The following ARIH1 variants were observed in gnomAD, a reference collection of about 807,000 sequenced individuals.
The protein encoded by ARIH1 is E3 ubiquitin-protein ligase ARIH1.
A neutral mutation model predicts 85.0 loss-of-function variants in ARIH1; 8 were observed. The observed-to-expected ratio is 0.09, with a 90% CI of 0.06 to 0.17. The LOEUF is 0.17. Among genes scored for constraint, ARIH1 ranks in the 10% least tolerant of loss-of-function variants. ARIH1 has a pLI of 1.00. For synonymous variants in ARIH1, 238 were observed against 253.6 expected (o/e 0.94, Z 0.59); for missense variants, 311 against 718.1 (o/e 0.43, Z 6.48).
At chr15:72,490,585 T>C (rs935853544) in intron 1 of ARIH1, among the ~76,000 whole-genome samples, 4 of 152,168 alleles carry the variant, frequency 2.6e-5, no homozygotes, top group African/African-American at 9.7e-5. Context: ...TTGTCTTCCA[T>C]GAAACCAGTC....
At chr15:72,504,644 T>C (rs1272537724) in intron 1 of ARIH1, among the ~76,000 whole-genome samples, 2 of 152,060 alleles carry the variant, frequency 1.3e-5, no homozygotes, top group African/African-American at 4.8e-5. Context: ...CATCAGTAGT[T>C]TTGGAAAAAG....
intron 1 of ARIH1, among the ~76,000 whole-genome samples, chr15:72,512,255 G>C (rs1261269610): frequency 6.6e-6 from 1 of 151,710 alleles, no homozygotes; most frequent in African/African-American, 2.4e-5. Flanking sequence ...ATTTTCCAGT[G>C]ACACCATTTT....
At chr15:72,567,242 CA>C in intron 9 of ARIH1, 65 bp downstream of exon 9, 2 of 1,319,606 alleles carry the variant, frequency 1.5e-6, no homozygotes, top group South Asian at 2.5e-5. Context: ...TTGGCATTAG[CA>C]AAAGCAATGA....
chr15:72,521,389 C>A (rs1045579893), intron 2 of ARIH1, among the ~76,000 whole-genome samples: 15 of 151,890 alleles, frequency 9.9e-5, no homozygotes, highest in Admixed American at 9.2e-4. Flanking sequence ...GTTTTGAAAA[C>A]ATAAACTGTT....
At chr15:72,501,631 A>G (rs895567518) in intron 1 of ARIH1, among the ~76,000 whole-genome samples, 5 of 152,214 alleles carry the variant, frequency 3.3e-5, no homozygotes, top group Non-Finnish European at 7.3e-5. Flanking sequence ...CATTTTTAGT[A>G]TATGCCACAG....
In ARIH1 at chr15:72,582,069, T is replaced by C; in HGVS notation, c.1477-6T>C. 1.9e-6 allele frequency: 3 copies of C among 1,587,122 alleles called. No homozygotes were observed. In the South Asian group the frequency reaches 3.4e-5, roughly 18 times the overall value. On this transcript the variant is annotated splice_region_variant and splice_polypyrimidine_tract_variant and intron_variant, in intron 12 of 13. Coordinates refer to ENST00000379887, the MANE Select transcript of ARIH1 (RefSeq NM_005744.5). The surrounding 1 kb of genome is among the most constrained non-coding windows in gnomAD (Gnocchi z 4.6). ...AAGCCAAAATTTACTTTCATTCTTC[T>C]TACAGAATAACCAAGCAGATCTAGA...
At chr15:72,577,307 A>C (rs1302216725) in intron 11 of ARIH1, among the ~76,000 whole-genome samples, 1 of 152,162 alleles carries the variant, frequency 6.6e-6, no homozygotes, top group Non-Finnish European at 1.5e-5. Context: ...GTTCTTAACA[A>C]TGAAGTATGC....
At position 72,474,623 on chromosome 15, in the gene ARIH1, C is replaced by T. The variant is rs1159421645; in HGVS notation, c.-17C>T. On this transcript the variant is annotated 5_prime_UTR_variant, in exon 1 of 14. Transcript: ENST00000379887. ...CCCGCCTCGGCCAGCGTCCGCCGGG[C>T]CCCCGCGCGTCGCGCCATGGACTCG... 1.3e-6 allele frequency: 2 copies of T among 1,507,638 alleles called. No homozygotes were observed. Among genetic ancestry groups the T allele is most frequent in the South Asian group, 1.2e-5 (1 of 80,788 alleles). The allele number at this position is 1,507,638 out of a possible 1,614,324, so 93.4% of individuals were successfully genotyped here.
Position 72,484,429 on chromosome 15 carries a change from T to TC in ARIH1, c.375+9420dup, listed in dbSNP as rs939760639. 7.9e-5 allele frequency among the ~76,000 whole-genome samples: 12 copies of TC among 151,734 alleles called. No homozygotes were observed. In the East Asian group the frequency reaches 9.7e-4, roughly 12 times the overall value. ...ATCTCTCACCCCCTTCTCACCTTTT[T>TC]CCCCCGAGTCCCCAGAGTTCATTAT... is the stretch of plus-strand genomic sequence containing the variant. On this transcript the variant is annotated intron_variant, in intron 1 of 13. Transcript: ENST00000379887.
At chr15:72,559,365 G>T (rs11636333) in intron 5 of ARIH1, among the ~76,000 whole-genome samples, 86,441 of 151,774 alleles carry the variant, frequency 0.57, 30,228 homozygotes, top group Non-Finnish European at 0.78. Flanking sequence ...TACCTCCTAG[G>T]TTCAAGTGAT....
Position 72,594,794 on chromosome 15 carries a change from ATTTTATGCCTTTTCTTC to A in ARIH1, c.*11507_*11523del, listed in dbSNP as rs1291146208. 4.0e-4 allele frequency: 27 copies of A among 66,818 alleles called. No homozygotes were observed. Among genetic ancestry groups the A allele is most frequent in the African/African-American group, 1.7e-3 (25 of 15,010 alleles). The allele number at this position is 66,818 out of a possible 1,614,324, so 4.1% of individuals were successfully genotyped here. On this transcript the variant is annotated 3_prime_UTR_variant, in exon 14 of 14. Transcript: ENST00000379887. ...AATAATGTTTTTACTTCTTTTTCTG[ATTTTATGCCTTTTCTTC>A]TTTTTTTTTTTTTTTTTTTTTTTTT...
At chr15:72,527,760 T>A (rs2064037136) in intron 2 of ARIH1, among the ~76,000 whole-genome samples, 1 of 152,232 alleles carries the variant, frequency 6.6e-6, no homozygotes, top group Non-Finnish European at 1.5e-5. Flanking sequence ...CCTTTTCTTC[T>A]GAGACAGCTT....
chr15:72,487,967 C>T (rs548034639), intron 1 of ARIH1, among the ~76,000 whole-genome samples: 5 of 152,250 alleles, frequency 3.3e-5, no homozygotes, highest in African/African-American at 1.2e-4. Flanking sequence ...TACTGTGTAA[C>T]ACATATTTGT....
rs1298854604 is a variant in ARIH1, at chr15:72,600,224, G to A, written c.*16932G>A. On this transcript the variant is annotated 3_prime_UTR_variant, in exon 14 of 14. Coordinates refer to ENST00000379887, the MANE Select transcript of ARIH1 (RefSeq NM_005744.5). Reference sequence around the variant, plus strand: ...GTCCTCAGCCCCCACCATAAAAATAGATAAATGCCATTTTTTTTGTATGCC... The same window carrying A: ...GTCCTCAGCCCCCACCATAAAAATAAATAAATGCCATTTTTTTTGTATGCC... 6.6e-6 allele frequency: 1 copy of A among 152,126 alleles called. No individual in the cohort carries two copies. The highest frequency in any genetic ancestry group is 1.5e-5 in the Non-Finnish European group (1 of 68,020). The allele number at this position is 152,126 out of a possible 1,614,324, so 9.4% of individuals were successfully genotyped here.
Position 72,563,402 on chromosome 15 carries a change from A to C in ARIH1, c.813A>C (p.Arg271=). The change falls in exon 7 of 14, where the codon CGA becomes CGC. Residue 271 remains arginine (R), a synonymous_variant. Coordinates refer to ENST00000379887, the MANE Select transcript of ARIH1 (RefSeq NM_005744.5). ...LITNSFVECN[R]LLKWCPAPDC... Reference sequence around the variant, plus strand: ...TCTAACTTGTATTTCAGTGCAATCGACTGTTAAAGTGGTGTCCTGCCCCAG... The same window carrying C: ...TCTAACTTGTATTTCAGTGCAATCGCCTGTTAAAGTGGTGTCCTGCCCCAG... 1 of 1,613,396 alleles carries C rather than the reference A, an allele frequency of 6.2e-7. No homozygotes were observed. Among genetic ancestry groups the C allele is most frequent in the Non-Finnish European group, 8.5e-7 (1 of 1,179,464 alleles).
chr15:72,504,455 G>A lies in ARIH1; in HGVS notation c.376-13612G>A, dbSNP rs1469075963. ...CAGACGCTTGAAGGATGGTGGAGGC[G>A]GATAATTTTCTTTAGTGATGAAAAT... On this transcript the variant is annotated intron_variant, in intron 1 of 13. Transcript: ENST00000379887. Among the ~76,000 whole-genome samples the A allele has an allele frequency of 1.3e-5, 2 of 152,060 alleles. 1 individual carries two copies.
At chr15:72,495,177 A>G (rs1043637330) in intron 1 of ARIH1, among the ~76,000 whole-genome samples, 7 of 152,292 alleles carry the variant, frequency 4.6e-5, no homozygotes, top group South Asian at 2.1e-4. Flanking sequence ...TGGCAAATCT[A>G]TAGAGATAGA....
intron 1 of ARIH1, among the ~76,000 whole-genome samples, chr15:72,502,045 A>G (rs1321992050): frequency 1.3e-5 from 2 of 152,188 alleles, no homozygotes; most frequent in African/African-American, 4.8e-5. Flanking sequence ...ATAGACTGCT[A>G]TTTTAAGTCT....
At chr15:72,561,266 GA>G (rs938301278) in intron 5 of ARIH1, among the ~76,000 whole-genome samples, 3 of 151,892 alleles carry the variant, frequency 2.0e-5, no homozygotes, top group Admixed American at 6.6e-5. Context: ...AAGAACCATG[GA>G]AAAAAAGTCT....
Sources: gnomAD v4.1 joint callset for allele counts (sites outside exome capture counted in the v4.1 genomes callset) on GRCh38, gnomAD v4.1.1 for gene constraint, Gnocchi (gnomAD v3.1) non-coding constraint, MANE v1.5 for transcripts, NCBI Gene and HGNC (gene_info 2026-07-23, HGNC 2026-07-21) for gene names.